The following NEBL variants were observed in gnomAD, a reference collection of about 807,000 sequenced individuals.
NEBL encodes nebulette.
NEBL carries 122 observed loss-of-function variants against 140.2 expected under a neutral mutation model. That is an observed-to-expected ratio of 0.87 (90% CI 0.75 to 1.01). The LOEUF is 1.01. NEBL is among the 50% of genes least tolerant of loss of function. NEBL has a pLI of 0.00. For synonymous variants in NEBL, 436 were observed against 398.9 expected (o/e 1.09, Z -1.11); for missense variants, 1,365 against 1,231.3 (o/e 1.11, Z -1.62).
At position 21,151,884 on chromosome 10, in the gene NEBL, G is replaced by A. The variant is rs117488867; in HGVS notation, c.164+20499C>T. On this transcript the variant is annotated intron_variant, in intron 2 of 6. Coordinates refer to the NEBL transcript ENST00000417816. ...CCATTTTTCTCTATAGAACATATCC[G>A]TTTCTAATATTTTACTGATTGTTTG... 7.2e-3 allele frequency among the ~76,000 whole-genome samples: 1,098 copies of A among 152,174 alleles called. 9 individuals are homozygous for A. Among genetic ancestry groups the A allele is most frequent in the Non-Finnish European group, 0.011 (745 of 68,014 alleles).
chr10:21,199,031 A>T (rs1266670865), intron 3 of NEBL, among the ~76,000 whole-genome samples: 3 of 151,114 alleles, frequency 2.0e-5, no homozygotes, highest in Non-Finnish European at 4.4e-5. Context: ...GCACCACTGC[A>T]CTCCAGCCTG....
intron 3 of NEBL, among the ~76,000 whole-genome samples, chr10:21,007,649 C>G (rs1240277954): frequency 6.6e-6 from 1 of 152,070 alleles, no homozygotes; most frequent in Non-Finnish European, 1.5e-5. Flanking sequence ...GATCACTGGC[C>G]TCTAGTTTAA....
intron 3 of NEBL, among the ~76,000 whole-genome samples, chr10:21,196,960 C>G (rs891522726): frequency 6.6e-6 from 1 of 152,106 alleles, no homozygotes; most frequent in Non-Finnish European, 1.5e-5. Flanking sequence ...TCATGAAGTG[C>G]GAATTTTTTT....
rs1374917132 is a variant in NEBL, at chr10:20,831,523, CTG to C, written c.1508_1509del (p.Thr503ArgfsTer4). 1.2e-6 allele frequency: 2 copies of C among 1,612,552 alleles called. No homozygotes were observed. Among genetic ancestry groups the C allele is most frequent in the Non-Finnish European group, 8.5e-7 (1 of 1,179,514 alleles). On this transcript the variant is annotated frameshift_variant, in exon 15 of 28. Transcript: ENST00000377122. LOFTEE classifies it high-confidence loss of function. Reference protein sequence around the residue: ...EIKGKGMQVSTDTLDVQRAKK... With the variant: ...EIKGKGMQVSXDTLDVQRAKK... ...TTAGCTCTCTGGACATCAAGAGTGTCTGTGCTCACCTGCATCCCTTTCCCTTT... is the reference window on the plus strand; with the variant it reads ...TTAGCTCTCTGGACATCAAGAGTGTCTGCTCACCTGCATCCCTTTCCCTTT...
In NEBL at chr10:21,052,108, TATCAG is replaced by T. The variant is rs1834805025; in HGVS notation, c.165-31912_165-31908del. On this transcript the variant is annotated intron_variant, in intron 2 of 6. Transcript: ENST00000417816. ...AAAAGTTTAAAAAAAAAACTTTACA[TATCAG>T]ATAAGAAGGAAAATGACACAAACTG... Among the ~76,000 whole-genome samples the T allele has an allele frequency of 3.3e-5, 5 of 152,268 alleles. No individual in the cohort carries two copies. The South Asian group carries it at 1.0e-3, about 32-fold the overall frequency.
intron 2 of NEBL, among the ~76,000 whole-genome samples, chr10:21,037,661 C>T (rs552571257): frequency 5.3e-5 from 8 of 152,026 alleles, no homozygotes; most frequent in African/African-American, 1.9e-4. Flanking sequence ...CTCATAGAAT[C>T]ATATTCCAAA....
intron 2 of NEBL, among the ~76,000 whole-genome samples, chr10:21,152,712 C>G (rs1840191523): frequency 6.6e-6 from 1 of 151,752 alleles, no homozygotes; most frequent in Non-Finnish European, 1.5e-5. Context: ...GCACAAACTC[C>G]ACTCTGAATT....
intron 1 of NEBL, among the ~76,000 whole-genome samples, chr10:21,285,738 C>T (rs1406522610): frequency 6.6e-6 from 1 of 152,118 alleles, no homozygotes; most frequent in African/African-American, 2.4e-5. Context: ...TGTCTAAAGT[C>T]GTTATTACAA....
chr10:21,271,216 T>C (rs551547446), intron 1 of NEBL, among the ~76,000 whole-genome samples: 2 of 152,266 alleles, frequency 1.3e-5, no homozygotes, highest in South Asian at 2.1e-4. Context: ...TGAATGAACC[T>C]AGAGGATGTT....
In NEBL at chr10:20,789,381, T is replaced by C. The variant is rs947381714; in HGVS notation, c.2762-2073A>G. Among the ~76,000 whole-genome samples the C allele has an allele frequency of 2.0e-5, 3 of 152,212 alleles. No homozygotes were observed. In the South Asian group the frequency reaches 6.2e-4, roughly 32 times the overall value. On this transcript the variant is annotated intron_variant, in intron 26 of 27. Transcript: ENST00000377122. ...AGGTAAGCACAGCCATCTTTAAATG[T>C]TTAAGAAAAACTTTCAGGAATGGAC...
At chr10:20,886,396 G>A (rs1445191175) in intron 4 of NEBL, among the ~76,000 whole-genome samples, 1 of 151,978 alleles carries the variant, frequency 6.6e-6, no homozygotes, top group Non-Finnish European at 1.5e-5. Context: ...GGGTGTGGTG[G>A]TGTGCGCCTG....
intron 12 of NEBL, among the ~76,000 whole-genome samples, chr10:20,842,249 A>G (rs1408462547): frequency 6.6e-6 from 1 of 152,094 alleles, no homozygotes; most frequent in African/African-American, 2.4e-5. Flanking sequence ...GAGTCAAATG[A>G]CCCGAGTGAA....
In NEBL at chr10:20,985,520, TC is replaced by T. The variant is rs561313137; in HGVS notation, c.250-23742del. The stretch of plus-strand genomic sequence containing the variant: ...TTCATATAAAATACCAGAACATGGA[TC>T]AAAAAAACTCATTACCATGAAATCT... On this transcript the variant is annotated intron_variant, in intron 3 of 6. Coordinates refer to the NEBL transcript ENST00000417816. 4.5e-4 allele frequency among the ~76,000 whole-genome samples: 68 copies of T among 152,212 alleles called. No individual in the cohort carries two copies. The East Asian group carries it at 8.9e-3, about 20-fold the overall frequency.
At chr10:21,115,010 GT>G (rs1376021176) in intron 2 of NEBL, among the ~76,000 whole-genome samples, 1 of 151,680 alleles carries the variant, frequency 6.6e-6, no homozygotes, top group African/African-American at 2.4e-5. Flanking sequence ...TTAATTAAGT[GT>G]TTTTTATGAT....
At chr10:20,833,190 T>C (rs1369445456) in intron 14 of NEBL, among the ~76,000 whole-genome samples, 1 of 152,172 alleles carries the variant, frequency 6.6e-6, no homozygotes, top group Non-Finnish European at 1.5e-5. Flanking sequence ...CATGGCGGCA[T>C]CTACATTCCA....
At chr10:21,164,061 C>T (rs1299165837) in intron 2 of NEBL, among the ~76,000 whole-genome samples, 1 of 152,176 alleles carries the variant, frequency 6.6e-6, no homozygotes, top group Non-Finnish European at 1.5e-5. Context: ...AACTGTTAGA[C>T]CCATTAGCAG....
intron 2 of NEBL, chr10:21,029,944 G>T (rs879643510): frequency 9.5e-5 from 54 of 568,900 alleles, no homozygotes; most frequent in Non-Finnish European, 1.4e-4. Context: ...CTCCAGAGAT[G>T]ATTTCTCTCG....
chr10:20,796,223 C>T (rs749441463), intron 26 of NEBL, among the ~76,000 whole-genome samples: 11 of 151,776 alleles, frequency 7.2e-5, no homozygotes, highest in Non-Finnish European at 1.6e-4. Context: ...ATTAGCAGGG[C>T]GTAGTGGTGG....
chr10:20,887,025 G>C (rs115123140), intron 4 of NEBL, among the ~76,000 whole-genome samples: 2,764 of 152,282 alleles, frequency 0.018, 78 homozygotes, highest in African/African-American at 0.062. Flanking sequence ...GTAGCTGAGA[G>C]AGCTAAAGAA....
Sources: allele counts gnomAD v4.1 joint callset (sites outside exome capture counted in the v4.1 genomes callset), GRCh38; gene constraint gnomAD v4.1.1; transcripts MANE v1.5; gene names NCBI Gene and HGNC (gene_info 2026-07-23, HGNC 2026-07-21).